Variants in PRIM2 observed in about 807,000 individuals in gnomAD.
PRIM2 encodes the protein DNA primase subunit 2.
In PRIM2, 39 loss-of-function variants were observed where a neutral mutation model predicts 67.3. The ratio of observed to expected loss-of-function variants is 0.58; its 90% confidence interval spans 0.45 to 0.76. PRIM2 has a LOEUF of 0.76. Among genes scored for constraint, PRIM2 ranks in the 30% least tolerant of loss-of-function variants. The probability of loss-of-function intolerance (pLI) is 0.00; values close to 1 mark genes in which losing one functional copy is unlikely to be tolerated. For synonymous variants in PRIM2, 143 were observed against 198.7 expected (o/e 0.72, Z 2.36); for missense variants, 398 against 598.7 (o/e 0.66, Z 3.50).
At position 57,467,783 on chromosome 6, in the gene PRIM2, T is replaced by G. The variant is rs1427099086; in HGVS notation, c.694-39604T>G. Among the ~76,000 whole-genome samples, 21 of 152,338 alleles carry G rather than the reference T, an allele frequency of 1.4e-4. No individual in the cohort carries two copies. The East Asian group carries it at 2.9e-3, about 21-fold the overall frequency. On this transcript the variant is annotated intron_variant, in intron 7 of 13. Transcript: ENST00000615550. The stretch of plus-strand genomic sequence containing the variant: ...AGCATGGAATGTTTTTCCATTTTTT[T>G]TGTGTCCTCCTTGAGTTCCTTGAGC...
chr6:57,553,736 G>T (rs1281835290), intron 10 of PRIM2, among the ~76,000 whole-genome samples: 2 of 152,196 alleles, frequency 1.3e-5, no homozygotes, highest in Non-Finnish European at 2.9e-5. Context: ...CAGAAACACT[G>T]CAGTGTGGTC....
At chr6:57,606,299 G>C in intron 11 of PRIM2, 76 bp from the exon 12 acceptor site, 1 of 1,171,320 alleles carries the variant, frequency 8.5e-7, no homozygotes. Flanking sequence ...AGCTTAGATG[G>C]TCTCTCGAGT....
chr6:57,454,204 G>A (rs1244816200), intron 7 of PRIM2, among the ~76,000 whole-genome samples: 3 of 152,166 alleles, frequency 2.0e-5, no homozygotes, highest in African/African-American at 7.2e-5. Flanking sequence ...TTTTATTGAG[G>A]ATTTTTGCAT....
chr6:57,638,375 G>A (rs1777160935), intron 13 of PRIM2, among the ~76,000 whole-genome samples: 1 of 151,946 alleles, frequency 6.6e-6, no homozygotes. Flanking sequence ...GCATCATAAG[G>A]ACAGGGTCAG....
chr6:57,291,161 A>G, the PRIM2 span, among the ~76,000 whole-genome samples: 1 of 152,178 alleles, frequency 6.6e-6, no homozygotes, highest in Non-Finnish European at 1.5e-5. Flanking sequence ...AAAATGATAA[A>G]GGGGTTATCA....
chr6:57,553,333 G>C (rs1183452993), intron 10 of PRIM2, among the ~76,000 whole-genome samples: 6 of 151,898 alleles, frequency 4.0e-5, no homozygotes, highest in Non-Finnish European at 8.8e-5. Flanking sequence ...TCTTGGATAT[G>C]AGTTTTATCA....
intron 5 of PRIM2, among the ~76,000 whole-genome samples, chr6:57,329,653 C>G (rs1767987570): frequency 6.6e-6 from 1 of 152,088 alleles, no homozygotes; most frequent in Non-Finnish European, 1.5e-5. Flanking sequence ...ATTCCCTCCC[C>G]TGCCGCCCTG....
At chr6:57,251,223 A>AT in the PRIM2 span, among the ~76,000 whole-genome samples, 1 of 152,218 alleles carries the variant, frequency 6.6e-6, no homozygotes. Flanking sequence ...TATAGACAAG[A>AT]TTTTTAAAAA....
chr6:57,434,075 C>T (rs1771929669), intron 7 of PRIM2, among the ~76,000 whole-genome samples: 1 of 152,012 alleles, frequency 6.6e-6, no homozygotes, highest in Non-Finnish European at 1.5e-5. Context: ...CAAGCGTGCG[C>T]CACCATGCCC....
intron 10 of PRIM2, among the ~76,000 whole-genome samples, chr6:57,547,589 T>A (rs1484897644): frequency 8.5e-5 from 13 of 152,234 alleles, no homozygotes; most frequent in African/African-American, 3.1e-4. Flanking sequence ...TTGAACTGGA[T>A]AATTCTTCTA....
At chr6:57,505,906 A>G in intron 7 of PRIM2, among the ~76,000 whole-genome samples, 1 of 152,222 alleles carries the variant, frequency 6.6e-6, no homozygotes, top group South Asian at 2.1e-4. Context: ...GACTTTTGAA[A>G]TGTCTAGATA....
chr6:57,239,610 C>T, the PRIM2 span, among the ~76,000 whole-genome samples: 8 of 152,138 alleles, frequency 5.3e-5, no homozygotes, highest in East Asian at 3.9e-4. Flanking sequence ...GGTGTGGTGG[C>T]GCATGCCTGT....
chr6:57,567,094 T>C (rs1562793292), intron 10 of PRIM2, among the ~76,000 whole-genome samples: 6 of 152,190 alleles, frequency 3.9e-5, no homozygotes, highest in Non-Finnish European at 1.5e-5. Flanking sequence ...CCCATGGCTA[T>C]ACCTTTACTT....
the PRIM2 span, among the ~76,000 whole-genome samples, chr6:57,292,098 C>G: frequency 6.6e-6 from 1 of 152,154 alleles, no homozygotes; most frequent in Non-Finnish European, 1.5e-5. Flanking sequence ...TAGAAAACCC[C>G]ATCGTCTCGG....
At chr6:57,586,686 G>C (rs1451700456) in intron 10 of PRIM2, among the ~76,000 whole-genome samples, 2 of 152,152 alleles carry the variant, frequency 1.3e-5, no homozygotes, top group Non-Finnish European at 2.9e-5. Context: ...CCAGGTGTGC[G>C]CACAGGAAAG....
chr6:57,305,810 C>T, the PRIM2 span, among the ~76,000 whole-genome samples: 5 of 151,952 alleles, frequency 3.3e-5, no homozygotes, highest in Non-Finnish European at 5.9e-5. Flanking sequence ...TGTTAGGCAC[C>T]GAATTGTGTT....
the PRIM2 span, among the ~76,000 whole-genome samples, chr6:57,286,396 G>A: frequency 1.3e-5 from 2 of 152,140 alleles, no homozygotes; most frequent in Admixed American, 1.3e-4. Context: ...CATAGTACTG[G>A]TACCAAAACA....
the PRIM2 span, among the ~76,000 whole-genome samples, chr6:57,260,132 G>A: frequency 1.3e-5 from 2 of 152,134 alleles, no homozygotes; most frequent in African/African-American, 4.8e-5. Flanking sequence ...CAATGGTGAA[G>A]GGCAAAGATA....
At chr6:57,549,974 A>G (rs1775367444) in intron 10 of PRIM2, among the ~76,000 whole-genome samples, 1 of 151,962 alleles carries the variant, frequency 6.6e-6, no homozygotes. Context: ...AATCCCAGCT[A>G]CTCGGGAGGC....
Sources: allele counts gnomAD v4.1 joint callset (sites outside exome capture counted in the v4.1 genomes callset), GRCh38; gene constraint gnomAD v4.1.1; transcripts MANE v1.5; gene names NCBI Gene and HGNC (gene_info 2026-07-23, HGNC 2026-07-21).